Variants in PRKN observed in about 807,000 individuals in gnomAD.
The protein encoded by PRKN is E3 ubiquitin-protein ligase parkin.
Under a neutral mutation model 59.5 loss-of-function variants are expected in PRKN, and 56 were observed. That is an observed-to-expected ratio of 0.94 (90% CI 0.76 to 1.18). PRKN has a LOEUF of 1.18. PRKN is among the 50% of genes most tolerant of loss of function. PRKN has a pLI of 0.00. For missense variants in PRKN, 657 were observed against 596.4 expected, an observed-to-expected ratio of 1.10 and a Z score of -1.06; for synonymous variants, 250 against 222.1, an observed-to-expected ratio of 1.13 and a Z score of -1.12.
chr6:161,809,179 A>C (rs975354111), intron 6 of PRKN, among the ~76,000 whole-genome samples: 17 of 152,182 alleles, frequency 1.1e-4, no homozygotes, highest in African/African-American at 4.1e-4. Context: ...AAAGGATGAC[A>C]CAGATAGAAA....
intron 4 of PRKN, among the ~76,000 whole-genome samples, chr6:162,096,760 G>A (rs1328299544): frequency 7.1e-6 from 1 of 140,820 alleles, no homozygotes; most frequent in African/African-American, 2.6e-5. Flanking sequence ...GCAGAACTAT[G>A]AGTCCATTTA....
chr6:161,666,758 A>T (rs1012025197), intron 7 of PRKN, among the ~76,000 whole-genome samples: 6 of 152,202 alleles, frequency 3.9e-5, no homozygotes, highest in Admixed American at 2.0e-4. Flanking sequence ...ATCTGATTGG[A>T]TACTAGTATA....
intron 4 of PRKN, among the ~76,000 whole-genome samples, chr6:162,123,302 G>A (rs1473666960): frequency 2.0e-5 from 3 of 152,066 alleles, no homozygotes; most frequent in Non-Finnish European, 4.4e-5. Context: ...TGAAGATTTG[G>A]GTCACATTAT....
rs1283025091 is a variant in PRKN at position 162,111,349 on chromosome 6, C to A, written c.535-57175G>T. On this transcript the variant is annotated intron_variant, in intron 4 of 11. Transcript: ENST00000366898. ...GTGTTGTGGCATGCATCTGTAGTCC[C>A]AGCTACTCGGGAGGCTGAGGCAGGA... Among the ~76,000 whole-genome samples, 4 of 152,064 alleles carry A rather than the reference C, an allele frequency of 2.6e-5. No homozygotes were observed. The East Asian group carries it at 7.7e-4, about 29-fold the overall frequency.
intron 3 of PRKN, among the ~76,000 whole-genome samples, chr6:162,212,780 A>G (rs565731452): frequency 1.3e-5 from 2 of 152,324 alleles, no homozygotes; most frequent in East Asian, 3.9e-4. Flanking sequence ...GGTACAGCCT[A>G]TTGCTCCTAG....
chr6:162,117,810 T>C (rs954316456), intron 4 of PRKN, among the ~76,000 whole-genome samples: 1 of 152,122 alleles, frequency 6.6e-6, no homozygotes, highest in South Asian at 2.1e-4. Flanking sequence ...AAAGTAAACA[T>C]TTTTGGGCCG....
intron 6 of PRKN, among the ~76,000 whole-genome samples, chr6:161,832,914 C>T (rs1203219235): frequency 4.6e-5 from 7 of 151,920 alleles, no homozygotes; most frequent in East Asian, 1.9e-4. Flanking sequence ...CAACCATTGC[C>T]GAATGTCTGG....
Position 161,372,217 on chromosome 6 carries a change from A to C in PRKN, c.1168-12012T>G, listed in dbSNP as rs1027102953. Among the ~76,000 whole-genome samples, 21 of 152,318 alleles carry C rather than the reference A, an allele frequency of 1.4e-4. No homozygotes were observed. Among genetic ancestry groups the C allele is most frequent in the African/African-American group, 5.1e-4 (21 of 41,564 alleles). ...TTCAACTATTGTTACAAGTTGACAT[A>C]TGGGAAAAATCTACACTTGAGCTAG... On this transcript the variant is annotated intron_variant, in intron 10 of 11. Coordinates refer to ENST00000366898, the MANE Select transcript of PRKN (RefSeq NM_004562.3). The surrounding 1 kb of genome is among the most constrained non-coding windows in gnomAD (Gnocchi z 4.2).
At chr6:161,650,336 C>T (rs1208672374) in intron 7 of PRKN, among the ~76,000 whole-genome samples, 1 of 152,178 alleles carries the variant, frequency 6.6e-6, no homozygotes, top group Non-Finnish European at 1.5e-5. Context: ...AAGGAATTCT[C>T]TTTCCAGACA....
chr6:162,628,141 C>G (rs749066284), intron 1 of PRKN, among the ~76,000 whole-genome samples: 2 of 152,044 alleles, frequency 1.3e-5, no homozygotes, highest in African/African-American at 4.8e-5. Context: ...GTCATGAAAT[C>G]AGGAATGGGA....
At chr6:162,089,273 A>G (rs1225116402) in intron 4 of PRKN, among the ~76,000 whole-genome samples, 3 of 152,186 alleles carry the variant, frequency 2.0e-5, no homozygotes, top group Non-Finnish European at 4.4e-5. Context: ...AAGTTATACA[A>G]ATGGCCCAAT....
In PRKN at chr6:161,874,235, T is replaced by TATATAATATATATTATATGTAAA. The variant is rs1794525800; in HGVS notation, c.735-88328_735-88327insTTTACATATAATATATATTATAT. Among the ~76,000 whole-genome samples, 11 of 8,738 alleles carry TATATAATATATATTATATGTAAA rather than the reference T, an allele frequency of 1.3e-3. 4 individuals are homozygous for TATATAATATATATTATATGTAAA. The highest frequency in any genetic ancestry group is 2.8e-3 in the Non-Finnish European group (9 of 3,168). 5.7% of individuals were successfully genotyped at this position (8,738 alleles called of 152,430 possible). A position where few individuals can be genotyped will look rare whatever the true frequency, so the allele number is the denominator to read the frequency against. On this transcript the variant is annotated intron_variant, in intron 6 of 11. Coordinates refer to ENST00000366898, the MANE Select transcript of PRKN (RefSeq NM_004562.3). ...AAAATATAATATATATTATATATAA[T>TATATAATATATATTATATGTAAA]ATATAATATATAATATATATTATAT...
At chr6:162,433,286 A>C (rs1206008370) in intron 2 of PRKN, among the ~76,000 whole-genome samples, 1 of 152,192 alleles carries the variant, frequency 6.6e-6, no homozygotes. Context: ...AGATCAGAAA[A>C]ATAAAGACTG....
intron 1 of PRKN, among the ~76,000 whole-genome samples, chr6:162,544,763 C>T (rs1207577875): frequency 1.3e-5 from 2 of 148,986 alleles, no homozygotes; most frequent in Non-Finnish European, 3.0e-5. Context: ...CGGCAACCTC[C>T]GCCTCCCGGG....
intron 2 of PRKN, 116 bp from the exon 3 acceptor site, chr6:162,262,881 C>A: frequency 1.5e-6 from 2 of 1,339,432 alleles, no homozygotes; most frequent in Non-Finnish European, 2.1e-6. Flanking sequence ...TGACATGTAA[C>A]TGACCAACTT....
chr6:161,825,226 A>G (rs113383300), intron 6 of PRKN, among the ~76,000 whole-genome samples: 2,326 of 152,330 alleles, frequency 0.015, 59 homozygotes, highest in African/African-American at 0.053. Flanking sequence ...TCACACAGCA[A>G]GAAAATTGAA....
chr6:161,814,869 A>C (rs1345183725), intron 6 of PRKN, among the ~76,000 whole-genome samples: 1 of 152,168 alleles, frequency 6.6e-6, no homozygotes, highest in Non-Finnish European at 1.5e-5. Context: ...GCAGCATGGG[A>C]AAGACCCGCC....
intron 6 of PRKN, among the ~76,000 whole-genome samples, chr6:161,835,146 C>T (rs891443936): frequency 2.0e-5 from 3 of 152,064 alleles, no homozygotes; most frequent in African/African-American, 7.2e-5. Flanking sequence ...ATCTGAAATA[C>T]GACAGGAGTT....
intron 7 of PRKN, among the ~76,000 whole-genome samples, chr6:161,620,977 G>A (rs1043123313): frequency 6.6e-6 from 1 of 152,214 alleles, no homozygotes; most frequent in African/African-American, 2.4e-5. Context: ...GACTATCCAG[G>A]GGGATTCTGG....
Sources: gnomAD v4.1 joint callset for allele counts (sites outside exome capture counted in the v4.1 genomes callset) on GRCh38, gnomAD v4.1.1 for gene constraint, Gnocchi (gnomAD v3.1) non-coding constraint, MANE v1.5 for transcripts, NCBI Gene and HGNC (gene_info 2026-07-23, HGNC 2026-07-21) for gene names.